The following MDGA2 variants were observed in gnomAD, a reference collection of about 807,000 sequenced individuals.
MDGA2 encodes MAM domain containing glycosylphosphatidylinositol anchor 2.
Under a neutral mutation model 117.8 loss-of-function variants are expected in MDGA2, and 40 were observed. The ratio of observed to expected loss-of-function variants is 0.34; its 90% CI spans 0.26 to 0.44. The LOEUF (loss-of-function observed/expected upper bound fraction) is 0.44, where lower values mean the gene tolerates loss of function less well. Ranked by LOEUF, MDGA2 falls within the 20% of genes least tolerant of loss-of-function variation. The probability of loss-of-function intolerance (pLI) is 1.00; values close to 1 mark genes in which losing one functional copy is unlikely to be tolerated. For synonymous variants in MDGA2, 452 were observed against 439.0 expected, an observed-to-expected ratio of 1.03 and a Z score of -0.37; for missense variants, 1,123 against 1,250.6, an observed-to-expected ratio of 0.90 and a Z score of 1.54.
chr14:47,164,615 A>AG (rs1486013261), intron 3 of MDGA2, among the ~76,000 whole-genome samples: 5 of 152,202 alleles, frequency 3.3e-5, no homozygotes, highest in African/African-American at 1.2e-4. Flanking sequence ...GGTGTTGGAG[A>AG]GGATGTGGAG....
intron 2 of MDGA2, among the ~76,000 whole-genome samples, chr14:47,274,687 C>T (rs1482255969): frequency 6.6e-6 from 1 of 152,068 alleles, no homozygotes; most frequent in African/African-American, 2.4e-5. Flanking sequence ...TTTTTTATTA[C>T]TACTGGCAAT....
At chr14:47,188,091 G>C (rs990221424) in intron 3 of MDGA2, among the ~76,000 whole-genome samples, 1 of 151,992 alleles carries the variant, frequency 6.6e-6, no homozygotes, top group Non-Finnish European at 1.5e-5. Context: ...CTTTTTGTTT[G>C]CTTGTTTGGT....
chr14:47,443,498 G>A (rs1004178773), intron 1 of MDGA2, among the ~76,000 whole-genome samples: 13 of 151,972 alleles, frequency 8.6e-5, no homozygotes, highest in African/African-American at 3.1e-4. Flanking sequence ...AAAATTAAAA[G>A]AATTAGACTT....
rs1411309352 is a variant in MDGA2 at position 46,882,233 on chromosome 14, A to G, written c.2239-12T>C. ...CGCTGCTGTCCAGCCTGAAATCAAA[A>G]CAATAATAGAATAATGTTCCCAGTA... On this transcript the variant is annotated splice_polypyrimidine_tract_variant and intron_variant, in intron 10 of 16. Coordinates refer to ENST00000399232, the MANE Select transcript of MDGA2 (RefSeq NM_001113498.3). 1 of 1,602,382 alleles carries G rather than the reference A, an allele frequency of 6.2e-7. No homozygotes were observed.
intron 1 of MDGA2, among the ~76,000 whole-genome samples, chr14:47,639,569 A>G (rs1360123695): frequency 2.0e-5 from 3 of 152,230 alleles, no homozygotes; most frequent in Non-Finnish European, 1.5e-5. Flanking sequence ...CAAGTACGTC[A>G]TAACTCCTTA....
chr14:47,062,513 T>TA (rs1889924746), intron 6 of MDGA2, among the ~76,000 whole-genome samples: 1 of 144,312 alleles, frequency 6.9e-6, no homozygotes, highest in African/African-American at 2.5e-5. Flanking sequence ...TTTTTTTTTT[T>TA]CATCATCTTC....
chr14:47,414,464 GAAT>G (rs1468146833), intron 1 of MDGA2, among the ~76,000 whole-genome samples: 1 of 152,212 alleles, frequency 6.6e-6, no homozygotes, highest in South Asian at 2.1e-4. Context: ...TTAATGGAAA[GAAT>G]AATAGCCTTT....
At chr14:47,072,070 T>C (rs2138843142) in intron 6 of MDGA2, among the ~76,000 whole-genome samples, 1 of 123,944 alleles carries the variant, frequency 8.1e-6, no homozygotes, top group South Asian at 2.9e-4. Flanking sequence ...TCTACGAAAA[T>C]GACCCAGGAA....
At chr14:47,300,540 A>G (rs1175785263) in intron 2 of MDGA2, among the ~76,000 whole-genome samples, 1 of 150,428 alleles carries the variant, frequency 6.6e-6, no homozygotes, top group Non-Finnish European at 1.5e-5. Context: ...CCCAGACTGG[A>G]GTGTGGTGGT....
At chr14:46,982,558 A>C (rs185172071) in intron 8 of MDGA2, among the ~76,000 whole-genome samples, 1 of 151,612 alleles carries the variant, frequency 6.6e-6, no homozygotes, top group Non-Finnish European at 1.5e-5. Flanking sequence ...AAAATATAAA[A>C]ATTAGCTGGG....
At chr14:47,100,318 T>C (rs1880230280) in intron 5 of MDGA2, among the ~76,000 whole-genome samples, 1 of 151,992 alleles carries the variant, frequency 6.6e-6, no homozygotes, top group African/African-American at 2.4e-5. Context: ...CCACCCTCAT[T>C]CTATCCATTA....
In MDGA2 at chr14:47,291,931, A is replaced by G. The variant is rs1594776890; in HGVS notation, c.420+9480T>C. On this transcript the variant is annotated intron_variant, in intron 2 of 16. Transcript: ENST00000399232. ...ATCTAGGGCAGATATGTACATGTGG[A>G]TTACTGTCTATCCCACATAAGAGCA... Among the ~76,000 whole-genome samples, 7 of 152,270 alleles carry G rather than the reference A, an allele frequency of 4.6e-5. 1 individual carries two copies. In the Middle Eastern group the frequency reaches 0.02, roughly 444 times the overall value.
chr14:46,921,420 A>G (rs1302624035), intron 9 of MDGA2, among the ~76,000 whole-genome samples: 1 of 151,552 alleles, frequency 6.6e-6, no homozygotes, highest in Non-Finnish European at 1.5e-5. Flanking sequence ...CCTGAGCAAC[A>G]TAGCAAAATA....
intron 6 of MDGA2, among the ~76,000 whole-genome samples, chr14:47,067,223 C>A (rs1890118688): frequency 6.6e-6 from 1 of 152,264 alleles, no homozygotes; most frequent in South Asian, 2.1e-4. Flanking sequence ...TTTGAACATG[C>A]TAACATGCAA....
intron 8 of MDGA2, among the ~76,000 whole-genome samples, chr14:47,024,596 C>A (rs975670106): frequency 5.3e-5 from 8 of 152,038 alleles, no homozygotes; most frequent in Non-Finnish European, 8.8e-5. Flanking sequence ...AAATAATAAT[C>A]TTTTTCTAGA....
chr14:47,538,892 A>G lies in MDGA2; in HGVS notation c.280+135625T>C, dbSNP rs190460289. Among the ~76,000 whole-genome samples the G allele has an allele frequency of 5.5e-3, 836 of 152,258 alleles. 8 individuals are homozygous for G. The highest frequency in any genetic ancestry group is 0.019 in the African/African-American group (784 of 41,554). ...TATATTATATAAATCAGGGCTCATT[A>G]TATATCTCAGGGGTAACGGAGTACC... On this transcript the variant is annotated intron_variant, in intron 1 of 16. Transcript: ENST00000399232.
chr14:47,583,868 T>C (rs1896273275), intron 1 of MDGA2, among the ~76,000 whole-genome samples: 1 of 151,832 alleles, frequency 6.6e-6, no homozygotes, highest in Admixed American at 6.6e-5. Flanking sequence ...TTTTAATTAC[T>C]TTAAATCCAC....
intron 9 of MDGA2, among the ~76,000 whole-genome samples, chr14:46,943,070 T>C (rs1328143738): frequency 6.6e-6 from 1 of 152,118 alleles, no homozygotes; most frequent in East Asian, 1.9e-4. Flanking sequence ...TAAGGCTCTA[T>C]TAATAGATGT....
intron 7 of MDGA2, among the ~76,000 whole-genome samples, chr14:47,045,399 AT>A (rs1216492409): frequency 2.0e-5 from 3 of 152,304 alleles, no homozygotes; most frequent in South Asian, 2.1e-4. Flanking sequence ...TGGAAAAAAA[AT>A]AAAAGCAAAT....
Sources: allele counts gnomAD v4.1 joint callset (sites outside exome capture counted in the v4.1 genomes callset), GRCh38; gene constraint gnomAD v4.1.1; transcripts MANE v1.5; gene names NCBI Gene and HGNC (gene_info 2026-07-23, HGNC 2026-07-21).